The following IQANK1 variants were observed in gnomAD, a reference collection of about 807,000 sequenced individuals.
IQANK1 encodes the protein IQ motif and ankyrin repeat domain-containing protein 1.
Under a neutral mutation model 22.6 loss-of-function variants are expected in IQANK1, and 30 were observed. The ratio of observed to expected loss-of-function variants is 1.33; its 90% CI spans 0.99 to 1.80. The LOEUF is 1.80. IQANK1 is among the 40% of genes most tolerant of loss of function. IQANK1 has a pLI of 0.00. For synonymous variants in IQANK1, 122 were observed against 99.6 expected (o/e 1.23, Z -1.34); for missense variants, 275 against 235.2 (o/e 1.17, Z -1.11).
In IQANK1 at chr8:143,788,930, A is replaced by T. The variant is rs1819950373; in HGVS notation, c.805A>T (p.Thr269Ser). The change falls in exon 8 of 14, where the codon ACA becomes TCA. Residue 269 changes from threonine (T) to serine (S), a missense_variant. Thr to Ser is a moderately conservative substitution (Grantham distance 58). Coordinates refer to ENST00000527139, the MANE Select transcript of IQANK1 (RefSeq NM_001381874.1). ...CTGTCACTAGGTGGCCTCACTGGACACAGTGGTGAGCGTGCTGCGCTCGTG... is the reference window on the plus strand; with the variant it reads ...CTGTCACTAGGTGGCCTCACTGGACTCAGTGGTGAGCGTGCTGCGCTCGTG... ...STPERVASLD[T>S]VVSVLRSWDL... The T allele has an allele frequency of 2.5e-6, 1 of 399,166 alleles. No individual in the cohort carries two copies. Among genetic ancestry groups the T allele is most frequent in the Non-Finnish European group, 4.4e-6 (1 of 226,160 alleles). The allele number at this position is 399,166 out of a possible 1,614,324, so 24.7% of individuals were successfully genotyped here.
At chr8:143,773,162 C>G (rs962735434) in intron 7 of IQANK1, among the ~76,000 whole-genome samples, 1 of 152,146 alleles carries the variant, frequency 6.6e-6, no homozygotes, top group African/African-American at 2.4e-5. Flanking sequence ...CAAAAATTAG[C>G]TGGGCGTCGT....
intron 3 of IQANK1, among the ~76,000 whole-genome samples, chr8:143,760,814 C>T (rs1819380868): frequency 6.6e-6 from 1 of 152,230 alleles, no homozygotes; most frequent in African/African-American, 2.4e-5. Flanking sequence ...CGGGTTGGAG[C>T]AGAGGAGCAG....
At position 143,748,893 on chromosome 8, in the gene IQANK1, ACT is replaced by A. The variant is rs1554627645; in HGVS notation, c.175+8946_175+8947del. On this transcript the variant is annotated intron_variant, in intron 3 of 13. Coordinates refer to ENST00000527139, the MANE Select transcript of IQANK1 (RefSeq NM_001381874.1). ...ATATATAAATATATATATCATAAAT[ACT>A]TAAAAATATACATATATATCTATAT... 8.3e-4 allele frequency among the ~76,000 whole-genome samples: 94 copies of A among 113,840 alleles called. 1 individual carries two copies. The highest frequency in any genetic ancestry group is 0.013 in the Middle Eastern group (1 of 80). 74.7% of individuals were successfully genotyped at this position (113,840 alleles called of 152,430 possible).
chr8:143,790,247 G>A lies in IQANK1; in HGVS notation c.1400G>A (p.Trp467Ter). 1.6e-6 allele frequency: 2 copies of A among 1,232,192 alleles called. No individual in the cohort carries two copies. The highest frequency in any genetic ancestry group is 2.0e-6 in the Non-Finnish European group (2 of 988,060). 76.3% of individuals were successfully genotyped at this position (1,232,192 alleles called of 1,614,324 possible). A position where few individuals can be genotyped will look rare whatever the true frequency, so the allele number is the denominator to read the frequency against. ...GAGCCCCTGAGGCCGGAGACGATGT[G>A]GCTGGCTCTGCTGGGGGCTCTGCGG... ...NPEPLRPETM[W>*]LALLGALRYG... The change falls in exon 13 of 14, where the codon TGG (tryptophan) becomes TAG (stop). Residue 467 changes from tryptophan to a stop codon, truncating the protein, a stop_gained. Transcript: ENST00000527139. LOFTEE classifies it low-confidence loss of function (END_TRUNC).
chr8:143,739,237 G>A (rs570045027), intron 2 of IQANK1, among the ~76,000 whole-genome samples: 74 of 152,122 alleles, frequency 4.9e-4, no homozygotes, highest in African/African-American at 1.7e-3. Flanking sequence ...TTCTTGTTGG[G>A]AGGGTGGGCT....
chr8:143,738,861 C>A (rs1818817388), intron 2 of IQANK1, among the ~76,000 whole-genome samples: 1 of 152,236 alleles, frequency 6.6e-6, no homozygotes, highest in Non-Finnish European at 1.5e-5. Context: ...GAACCCGCAG[C>A]CCATGCACTC....
Position 143,772,249 on chromosome 8 carries a change from C to CGCCGTGG in IQANK1, c.663+11_663+17dup, listed in dbSNP as rs1434907096. The CGCCGTGG allele has an allele frequency of 1.3e-5, 5 of 396,852 alleles. No individual in the cohort carries two copies. Among genetic ancestry groups the CGCCGTGG allele is most frequent in the Admixed American group, 8.8e-5 (2 of 22,636 alleles). The allele number at this position is 396,852 out of a possible 1,614,324, so 24.6% of individuals were successfully genotyped here. ...GCGCCAGCCCCAACAGCAAGGTGGG[C>CGCCGTGG]GCCGTGGGCCGCGGGCCGCCGCGCT... On this transcript the variant is annotated splice_region_variant and intron_variant, in intron 6 of 13. Coordinates refer to ENST00000527139, the MANE Select transcript of IQANK1 (RefSeq NM_001381874.1).
At chr8:143,779,723 C>G (rs1353840759) in intron 7 of IQANK1, among the ~76,000 whole-genome samples, 2 of 152,184 alleles carry the variant, frequency 1.3e-5, no homozygotes, top group Non-Finnish European at 2.9e-5. Flanking sequence ...TTATTTGAAT[C>G]TGTTTCCATA....
chr8:143,736,009 C>T (rs1818727837), intron 2 of IQANK1, 71 bp downstream of exon 2: 1 of 694,716 alleles, frequency 1.4e-6, no homozygotes, highest in African/African-American at 1.8e-5. Flanking sequence ...TATGTAGCCA[C>T]CGAGAGACAC....
chr8:143,779,221 A>AT (rs1178792476), intron 7 of IQANK1, among the ~76,000 whole-genome samples: 1 of 152,116 alleles, frequency 6.6e-6, no homozygotes. Flanking sequence ...TTATTCACTT[A>AT]TTTTTTATCT....
chr8:143,749,568 A>AATGATATATATAATATAT (rs1554627806), intron 3 of IQANK1, among the ~76,000 whole-genome samples: 95 of 129,164 alleles, frequency 7.4e-4, no homozygotes, highest in African/African-American at 1.6e-3. Context: ...CATATATATC[A>AATGATATATATAATATAT]ATCATATATA....
chr8:143,783,478 T>C (rs1053502978), intron 7 of IQANK1, among the ~76,000 whole-genome samples: 8 of 152,250 alleles, frequency 5.3e-5, no homozygotes. Flanking sequence ...TTATATATTC[T>C]AGATCAAACT....
At chr8:143,736,445 A>G (rs1818741202) in intron 2 of IQANK1, among the ~76,000 whole-genome samples, 1 of 152,118 alleles carries the variant, frequency 6.6e-6, no homozygotes, top group South Asian at 2.1e-4. Context: ...TGCCCGGCCA[A>G]GCCTGAATCT....
intron 8 of IQANK1, 38 bp from the exon 9 acceptor site, chr8:143,789,151 G>A (rs1259820054): frequency 1.0e-5 from 4 of 400,720 alleles, no homozygotes; most frequent in Admixed American, 4.4e-5. Flanking sequence ...TGGGGGCGCT[G>A]GCGGAAGCCT....
intron 3 of IQANK1, chr8:143,742,601 G>C (rs1190607306): frequency 2.2e-5 from 10 of 455,970 alleles, no homozygotes; most frequent in African/African-American, 1.2e-4. Context: ...AACCCAGCCT[G>C]GGAAGGCAGC....
intron 2 of IQANK1, among the ~76,000 whole-genome samples, chr8:143,738,152 G>A (rs1554625945): frequency 2.0e-5 from 3 of 152,110 alleles, no homozygotes; most frequent in Non-Finnish European, 4.4e-5. Flanking sequence ...CTCGACCTCA[G>A]GGCCCTGCTG....
At position 143,771,095 on chromosome 8, in the gene IQANK1, C is replaced by T. The variant is rs1819561542; in HGVS notation, c.176-393C>T. On this transcript the variant is annotated intron_variant, in intron 3 of 13. Transcript: ENST00000527139. The surrounding 1 kb of genome is among the most constrained non-coding windows in gnomAD (Gnocchi z 6.0). ...TGAGCCCTCCCAGGCCTGGGGCCCC[C>T]CCGCTCAGTCCAGCCTTCGCTCGCT... is the stretch of plus-strand genomic sequence containing the variant. Among the ~76,000 whole-genome samples, 1 of 152,250 alleles carries T rather than the reference C, an allele frequency of 6.6e-6. No individual in the cohort carries two copies. The highest frequency in any genetic ancestry group is 1.5e-5 in the Non-Finnish European group (1 of 68,040).
chr8:143,787,741 C>T (rs1223468030), intron 7 of IQANK1, among the ~76,000 whole-genome samples: 3 of 151,814 alleles, frequency 2.0e-5, no homozygotes, highest in South Asian at 2.1e-4. Flanking sequence ...GCGGCTCACC[C>T]GCGCACCCCA....
At chr8:143,780,364 G>C (rs1281046100) in intron 7 of IQANK1, among the ~76,000 whole-genome samples, 31 of 152,078 alleles carry the variant, frequency 2.0e-4, no homozygotes, top group Admixed American at 2.0e-3. Flanking sequence ...GGGGGTACAT[G>C]TGAAGGTTTG....
Sources: allele counts gnomAD v4.1 joint callset (sites outside exome capture counted in the v4.1 genomes callset), GRCh38; gene constraint gnomAD v4.1.1; non-coding constraint Gnocchi (gnomAD v3.1); transcripts MANE v1.5; gene names NCBI Gene and HGNC (gene_info 2026-07-23, HGNC 2026-07-21).